Variants in CELF4 observed in about 807,000 individuals in gnomAD.
CELF4 encodes the protein CUG-BP- and ETR-3-like factor 4.
Under a neutral mutation model 59.9 loss-of-function variants are expected in CELF4, and 18 were observed. The ratio of observed to expected loss-of-function variants is 0.30; its 90% CI spans 0.21 to 0.45. The LOEUF is 0.45. Ranked by LOEUF, CELF4 falls within the 20% of genes least tolerant of loss-of-function variation. The pLI, the probability that CELF4 is intolerant of heterozygous loss-of-function variation, is 1.00. For synonymous variants in CELF4, 261 were observed against 267.1 expected, an observed-to-expected ratio of 0.98 and a Z score of 0.22; for missense variants, 456 against 689.0, an observed-to-expected ratio of 0.66 and a Z score of 3.79.
At chr18:37,434,759 T>C (rs2099684284) in intron 2 of CELF4, among the ~76,000 whole-genome samples, 1 of 152,082 alleles carries the variant, frequency 6.6e-6, no homozygotes, top group South Asian at 2.1e-4. Context: ...CACGGCCCTT[T>C]CAGTGTAGGG....
chr18:37,372,468 C>T (rs1216203339), intron 2 of CELF4, among the ~76,000 whole-genome samples: 1 of 152,122 alleles, frequency 6.6e-6, no homozygotes, highest in Non-Finnish European at 1.5e-5. Flanking sequence ...ACATCACACA[C>T]CGGGGCCTGT....
At chr18:37,537,044 C>T (rs1279786167) in intron 1 of CELF4, among the ~76,000 whole-genome samples, 3 of 152,242 alleles carry the variant, frequency 2.0e-5, no homozygotes, top group Non-Finnish European at 4.4e-5. Context: ...CATCCTCAGC[C>T]TGGCTTTCCC....
chr18:37,351,038 G>T (rs1308760140), intron 2 of CELF4, among the ~76,000 whole-genome samples: 1 of 152,192 alleles, frequency 6.6e-6, no homozygotes, highest in African/African-American at 2.4e-5. Context: ...TTCTTTCAGG[G>T]TTTTATTTTT....
chr18:37,439,424 T>A (rs2099704657), intron 2 of CELF4, among the ~76,000 whole-genome samples: 6 of 152,160 alleles, frequency 3.9e-5, no homozygotes. Context: ...TGCATGTGTG[T>A]GTGTGCATGT....
chr18:37,433,000 G>C (rs2099675281), intron 2 of CELF4, among the ~76,000 whole-genome samples: 2 of 152,158 alleles, frequency 1.3e-5, no homozygotes, highest in Admixed American at 1.3e-4. Flanking sequence ...CGCAACACAG[G>C]AATCTTATTG....
chr18:37,555,526 AC>A (rs2099984527), intron 1 of CELF4, among the ~76,000 whole-genome samples: 1 of 152,082 alleles, frequency 6.6e-6, no homozygotes, highest in Non-Finnish European at 1.5e-5. Context: ...TATTCTTAGA[AC>A]CAGTCAATAT....
intron 2 of CELF4, among the ~76,000 whole-genome samples, chr18:37,417,971 T>G (rs1430525673): frequency 2.0e-5 from 3 of 152,214 alleles, no homozygotes; most frequent in Non-Finnish European, 4.4e-5. Flanking sequence ...ACACTTGCTT[T>G]TAACCCTCAG....
At chr18:37,389,947 C>A (rs1043996273) in intron 2 of CELF4, among the ~76,000 whole-genome samples, 1 of 152,214 alleles carries the variant, frequency 6.6e-6, no homozygotes, top group African/African-American at 2.4e-5. Flanking sequence ...TCACGCTGCA[C>A]AGATCCTTCA....
At chr18:37,411,310 T>C (rs1051283073) in intron 2 of CELF4, among the ~76,000 whole-genome samples, 4 of 152,124 alleles carry the variant, frequency 2.6e-5, no homozygotes, top group African/African-American at 9.7e-5. Context: ...AGTTCAGAAG[T>C]CTCGAAGAGA....
Position 37,254,219 on chromosome 18 carries a change from G to A in CELF4, c.1334-281C>T, listed in dbSNP as rs2067620497. On this transcript the variant is annotated intron_variant, in intron 11 of 12. Transcript: ENST00000420428. The surrounding 1 kb of genome is among the most constrained non-coding windows in gnomAD (Gnocchi z 5.1). ...CGCTCCCCAAGTGGGGCCCGCGGCC[G>A]GGCGGCGCTGGGAGAGGCGCCCGCC... 6.6e-6 allele frequency among the ~76,000 whole-genome samples: 1 copy of A among 150,926 alleles called. No homozygotes were observed.
intron 3 of CELF4, chr18:37,306,094 T>C (rs1227116754): frequency 1.3e-5 from 2 of 152,230 alleles, no homozygotes; most frequent in Non-Finnish European, 2.9e-5. Flanking sequence ...GGCCTTCCCT[T>C]AGACTCAGCG....
intron 2 of CELF4, among the ~76,000 whole-genome samples, chr18:37,389,058 C>T (rs2099129571): frequency 6.6e-6 from 1 of 152,126 alleles, no homozygotes; most frequent in Non-Finnish European, 1.5e-5. Context: ...TAGCCCCCAC[C>T]CCAAGTTCCT....
chr18:37,322,937 G>A (rs1298522970), intron 2 of CELF4, among the ~76,000 whole-genome samples: 2 of 152,132 alleles, frequency 1.3e-5, no homozygotes, highest in African/African-American at 4.8e-5. Flanking sequence ...CCACCACGTG[G>A]CAGGACATGG....
At position 37,513,312 on chromosome 18, in the gene CELF4, T is replaced by C. The variant is rs118084009; in HGVS notation, c.287-27705A>G. Among the ~76,000 whole-genome samples, 94 of 152,310 alleles carry C rather than the reference T, an allele frequency of 6.2e-4. 3 individuals carry two copies. In the East Asian group the frequency reaches 0.016, roughly 25 times the overall value. ...TCCCTACTCTGCCACATGCAGGACC[T>C]TCTCTTTCAATCCATATCTGTCATC... On this transcript the variant is annotated intron_variant, in intron 1 of 12. Transcript: ENST00000420428.
intron 2 of CELF4, among the ~76,000 whole-genome samples, chr18:37,422,310 A>G (rs953581781): frequency 6.6e-6 from 1 of 152,236 alleles, no homozygotes; most frequent in African/African-American, 2.4e-5. Context: ...TTGTGGCTGA[A>G]TAAGAAACAC....
At chr18:37,305,834 T>C (rs1317373248) in intron 3 of CELF4, 2 of 152,302 alleles carry the variant, frequency 1.3e-5, no homozygotes, top group African/African-American at 4.8e-5. Flanking sequence ...GTATTGAACC[T>C]GATGGCCCTC....
rs559870969 is a variant in CELF4 at position 37,510,900 on chromosome 18, G to A, written c.287-25293C>T. The stretch of plus-strand genomic sequence containing the variant: ...AGAGTGACATTGGAGGTGGCCTTCT[G>A]GAGGCAGCTCTGCCTTCCTGGGTGG... On this transcript the variant is annotated intron_variant, in intron 1 of 12. Coordinates refer to ENST00000420428, the MANE Select transcript of CELF4 (RefSeq NM_020180.4). Among the ~76,000 whole-genome samples, 4 of 152,244 alleles carry A rather than the reference G, an allele frequency of 2.6e-5. No individual in the cohort carries two copies. In the East Asian group the frequency reaches 7.7e-4, roughly 29 times the overall value.
Position 37,245,606 on chromosome 18 carries a change from G to GA in CELF4, c.*45-410dup, listed in dbSNP as rs1303962116. Among the ~76,000 whole-genome samples the GA allele has an allele frequency of 6.6e-6, 1 of 151,966 alleles. No individual in the cohort carries two copies. Among genetic ancestry groups the GA allele is most frequent in the Admixed American group, 6.6e-5 (1 of 15,240 alleles). ...TACAGAAGCCTAGCAAACAAGATAG[G>GA]AAAAATCTAGCAGCCCAGCCCACTC... On this transcript the variant is annotated intron_variant, in intron 12 of 12. Transcript: ENST00000420428. This position sits in a 1 kb window ranked among gnomAD's most constrained non-coding sequence, Gnocchi z 4.1.
At chr18:37,381,785 T>C (rs475547) in intron 2 of CELF4, among the ~76,000 whole-genome samples, 133,242 of 152,198 alleles carry the variant, frequency 0.88, 58,687 homozygotes, top group African/African-American at 0.97. Flanking sequence ...GCTCTCCCTC[T>C]GGCTTGGCCC....
Sources: allele counts gnomAD v4.1 joint callset (sites outside exome capture counted in the v4.1 genomes callset), GRCh38; gene constraint gnomAD v4.1.1; non-coding constraint Gnocchi (gnomAD v3.1); transcripts MANE v1.5; gene names NCBI Gene and HGNC (gene_info 2026-07-23, HGNC 2026-07-21).